The following TMEM156 variants were observed in gnomAD, a reference collection of about 807,000 sequenced individuals.
TMEM156 encodes transmembrane protein 156.
In TMEM156, 28 loss-of-function variants were observed where a neutral mutation model predicts 30.5. That is an observed-to-expected ratio of 0.92 (90% CI 0.68 to 1.26). The LOEUF (loss-of-function observed/expected upper bound fraction) is 1.26. Among genes scored for constraint, TMEM156 ranks in the 50% most tolerant of loss-of-function variants. The probability of loss-of-function intolerance (pLI) is 0.00; values close to 1 mark genes in which losing one functional copy is unlikely to be tolerated. For missense variants in TMEM156, 351 were observed against 340.6 expected (o/e 1.03, Z -0.24); for synonymous variants, 137 against 119.9 (o/e 1.14, Z -0.93).
At chr4:38,976,761 GAA>G (rs1357045805) in intron 5 of TMEM156, among the ~76,000 whole-genome samples, 1 of 152,206 alleles carries the variant, frequency 6.6e-6, no homozygotes, top group East Asian at 1.9e-4. Context: ...TATCTTCATA[GAA>G]GCCTAGGAGC....
chr4:39,001,286 C>T (rs1445597372), intron 1 of TMEM156, among the ~76,000 whole-genome samples: 3 of 149,706 alleles, frequency 2.0e-5, no homozygotes, highest in Admixed American at 2.0e-4. Flanking sequence ...ACTCAGGAGG[C>T]TGAGGCAGGA....
At chr4:38,999,394 G>A (rs1199143045) in intron 1 of TMEM156, among the ~76,000 whole-genome samples, 1 of 152,162 alleles carries the variant, frequency 6.6e-6, no homozygotes, top group African/African-American at 2.4e-5. Flanking sequence ...TCTTTATAAA[G>A]AAGCGCTTGG....
At chr4:38,970,144 G>T (rs201722484) in intron 6 of TMEM156, among the ~76,000 whole-genome samples, 3 of 131,406 alleles carry the variant, frequency 2.3e-5, no homozygotes, top group Non-Finnish European at 3.3e-5. Context: ...GTGTGTGTGT[G>T]TTTGTGTGTG....
Position 38,998,718 on chromosome 4 carries a change from A to T in TMEM156, c.280T>A (p.Phe94Ile), listed in dbSNP as rs1347785317. ...ACCAAACACGAGGAGCACATTTTAA[A>T]TTCACCTGTGATGTCTTGGCAAGTC... Reference protein sequence around the residue: ...TRTCQDITGEFKMCSSCLVCE... With the variant: ...TRTCQDITGEIKMCSSCLVCE... The change falls in exon 2 of 7, where the codon TTT (phenylalanine) becomes ATT (isoleucine). Residue 94 changes from phenylalanine (F) to isoleucine (I), a missense_variant. Phe to Ile is a conservative substitution (Grantham distance 21, BLOSUM62 0). Transcript: ENST00000381938. 1 of 1,613,864 alleles carries T rather than the reference A, an allele frequency of 6.2e-7. No individual in the cohort carries two copies. Among genetic ancestry groups the T allele is most frequent in the South Asian group, 1.1e-5 (1 of 91,062 alleles).
intron 1 of TMEM156, among the ~76,000 whole-genome samples, chr4:39,003,611 A>G (rs1299936116): frequency 1.3e-5 from 2 of 151,448 alleles, no homozygotes; most frequent in African/African-American, 4.8e-5. Flanking sequence ...TGGGATCTTA[A>G]TATATTTATA....
chr4:38,982,480 G>A (rs1234581627), intron 5 of TMEM156, among the ~76,000 whole-genome samples: 1 of 152,088 alleles, frequency 6.6e-6, no homozygotes, highest in African/African-American at 2.4e-5. Flanking sequence ...GGAATTCTAT[G>A]CCCTGTAATT....
At chr4:39,007,445 T>G (rs1007474727) in intron 1 of TMEM156, among the ~76,000 whole-genome samples, 3 of 152,016 alleles carry the variant, frequency 2.0e-5, no homozygotes, top group Middle Eastern at 3.4e-3. Context: ...ATTTATCTAT[T>G]TTTTATTTTT....
intron 1 of TMEM156, among the ~76,000 whole-genome samples, chr4:39,021,310 G>A (rs1437065123): frequency 6.6e-6 from 1 of 151,600 alleles, no homozygotes; most frequent in Non-Finnish European, 1.5e-5. Flanking sequence ...GGGCTGAGGT[G>A]GGTGGACCGC....
At chr4:38,999,252 G>A (rs1713169724) in intron 1 of TMEM156, among the ~76,000 whole-genome samples, 1 of 151,822 alleles carries the variant, frequency 6.6e-6, no homozygotes, top group South Asian at 2.1e-4. Context: ...GAGTAGCTGT[G>A]ACTGCAGGGG....
intron 1 of TMEM156, chr4:39,028,704 G>A (rs1419453203): frequency 1.3e-5 from 2 of 152,322 alleles, no homozygotes; most frequent in East Asian, 1.9e-4. Context: ...AGGTTGGAAA[G>A]TTTCTTATTT....
At chr4:38,975,383 TC>T (rs10714251) in intron 5 of TMEM156, among the ~76,000 whole-genome samples, 29,759 of 128,000 alleles carry the variant, frequency 0.23, 3,106 homozygotes, top group Admixed American at 0.29. Flanking sequence ...TTTTTTCTTT[TC>T]TTTTTTTTTT....
At chr4:38,975,513 G>C (rs2109870098) in intron 5 of TMEM156, among the ~76,000 whole-genome samples, 1 of 151,710 alleles carries the variant, frequency 6.6e-6, no homozygotes, top group Non-Finnish European at 1.5e-5. Context: ...CTCCCGAGTA[G>C]CTGGAATCAC....
intron 5 of TMEM156, among the ~76,000 whole-genome samples, chr4:38,974,964 C>T (rs1453444747): frequency 2.0e-5 from 3 of 151,998 alleles, no homozygotes; most frequent in African/African-American, 7.3e-5. Flanking sequence ...TGAGCCACCG[C>T]GCCTGATCTG....
At chr4:38,997,638 T>A (rs775624829) in intron 2 of TMEM156, among the ~76,000 whole-genome samples, 95 of 152,352 alleles carry the variant, frequency 6.2e-4, no homozygotes, top group Non-Finnish European at 1.1e-3. Flanking sequence ...TCAGCATATT[T>A]TATGATTGTA....
chr4:39,001,806 G>A (rs1210579328), intron 1 of TMEM156, among the ~76,000 whole-genome samples: 1 of 149,088 alleles, frequency 6.7e-6, no homozygotes, highest in Non-Finnish European at 1.5e-5. Context: ...TTAATAAATG[G>A]TGCTGGGAAA....
chr4:39,017,057 C>T (rs1368501673), intron 1 of TMEM156, among the ~76,000 whole-genome samples: 1 of 152,044 alleles, frequency 6.6e-6, no homozygotes, highest in Non-Finnish European at 1.5e-5. Context: ...GGGGAAACCA[C>T]CCTATGATTC....
At chr4:38,977,227 A>G (rs1674869844) in intron 5 of TMEM156, among the ~76,000 whole-genome samples, 2 of 152,148 alleles carry the variant, frequency 1.3e-5, no homozygotes, top group South Asian at 4.1e-4. Context: ...TATAAAGGTT[A>G]AGATATCAAA....
chr4:39,005,210 G>A (rs115377031), intron 1 of TMEM156, among the ~76,000 whole-genome samples: 3,902 of 152,274 alleles, frequency 0.026, 176 homozygotes, highest in African/African-American at 0.088. Context: ...CTGTAATGGA[G>A]CTTTGTAATG....
chr4:38,993,865 G>A lies in TMEM156; in HGVS notation c.492C>T (p.His164=). The A allele has an allele frequency of 6.2e-7, 1 of 1,614,132 alleles. No homozygotes were observed. The highest frequency in any genetic ancestry group is 8.5e-7 in the Non-Finnish European group (1 of 1,180,020). The stretch of plus-strand genomic sequence containing the variant: ...CCTCCATGATTGTTGATCTTCCAGT[G>A]TGGTTTTTTAGATGACAGGTAGTGT... ...EYNTTCHLKN[H]TGRSTIMEDE... Residue 164 remains histidine, a synonymous_variant, in exon 3 of 7, where the codon CAC becomes CAT. Coordinates refer to ENST00000381938, the MANE Select transcript of TMEM156 (RefSeq NM_024943.3).
Sources: gnomAD v4.1 joint callset for allele counts (sites outside exome capture counted in the v4.1 genomes callset) on GRCh38, gnomAD v4.1.1 for gene constraint, MANE v1.5 for transcripts, NCBI Gene and HGNC (gene_info 2026-07-23, HGNC 2026-07-21) for gene names.